Variants in SRP54 observed in about 807,000 individuals in gnomAD.
SRP54 encodes signal recognition particle 54.
A neutral mutation model predicts 64.8 loss-of-function variants in SRP54; 10 were observed. The observed-to-expected ratio is 0.15, with a 90% CI of 0.10 to 0.26. The LOEUF is 0.26. Ranked by LOEUF, SRP54 falls within the 10% of genes least tolerant of loss-of-function variation. SRP54 has a pLI of 1.00. For synonymous variants in SRP54, 193 were observed against 185.6 expected (o/e 1.04, Z -0.32); for missense variants, 325 against 613.7 (o/e 0.53, Z 4.97).
chr14:35,016,384 T>G (rs1034869881), intron 11 of SRP54, among the ~76,000 whole-genome samples: 1 of 152,224 alleles, frequency 6.6e-6, no homozygotes, highest in Non-Finnish European at 1.5e-5. Flanking sequence ...AGCATTGTTG[T>G]TCTTAGTATT....
intron 1 of SRP54, chr14:34,993,119 C>T (rs1247866295): frequency 6.6e-6 from 1 of 152,210 alleles, no homozygotes; most frequent in African/African-American, 2.4e-5. Context: ...CTTGGCCTCC[C>T]AGAGTGCTGG....
chr14:35,003,831 G>A (rs1198714780), intron 4 of SRP54, among the ~76,000 whole-genome samples: 1 of 151,940 alleles, frequency 6.6e-6, no homozygotes, highest in Admixed American at 6.6e-5. Context: ...TTACTCGGGA[G>A]GGTAAGGTGG....
At chr14:35,022,220 A>T (rs113003945) in intron 13 of SRP54, among the ~76,000 whole-genome samples, 2 of 152,114 alleles carry the variant, frequency 1.3e-5, no homozygotes, top group African/African-American at 2.4e-5. Flanking sequence ...GGGTAGACAT[A>T]TGAAGTATGG....
chr14:35,016,496 T>TA (rs1434345531), intron 11 of SRP54, among the ~76,000 whole-genome samples: 2 of 152,202 alleles, frequency 1.3e-5, no homozygotes, highest in Non-Finnish European at 2.9e-5. Context: ...TCTCTCTTCT[T>TA]ACCTCTGCCA....
chr14:34,988,580 T>TATATATATATATATATATATATATATA (rs1343386236), intron 1 of SRP54, among the ~76,000 whole-genome samples: 1 of 22,434 alleles, frequency 4.5e-5, no homozygotes, highest in African/African-American at 9.6e-5. Flanking sequence ...AAAAAAAAAA[T>TATATATATATATATATATATATATATA]ATATATATAT....
At chr14:34,992,611 G>A (rs906970683) in intron 1 of SRP54, among the ~76,000 whole-genome samples, 1 of 152,000 alleles carries the variant, frequency 6.6e-6, no homozygotes, top group Non-Finnish European at 1.5e-5. Flanking sequence ...ACATAAAGAC[G>A]AAAGTAGTAG....
rs2044357551 is a variant in SRP54, at chr14:35,011,492, TTGTCCA to T, written c.486-13_486-8del. On this transcript the variant is annotated splice_polypyrimidine_tract_variant and intron_variant, in intron 7 of 15. Transcript: ENST00000216774. ...AAGTTTTGTCGTTTTGTTAAATCAT[TTGTCCA>T]TGTTATATAGCTATACAGAAATGGA... 1.4e-6 allele frequency: 2 copies of T among 1,407,128 alleles called. No individual in the cohort carries two copies. Among genetic ancestry groups the T allele is most frequent in the African/African-American group, 2.9e-5 (2 of 69,142 alleles). 87.2% of individuals were successfully genotyped at this position (1,407,128 alleles called of 1,614,324 possible). A position where few individuals can be genotyped will look rare whatever the true frequency, so the allele number is the denominator to read the frequency against.
chr14:34,986,182 T>C (rs2043892707), intron 1 of SRP54, among the ~76,000 whole-genome samples: 1 of 152,328 alleles, frequency 6.6e-6, no homozygotes, highest in East Asian at 1.9e-4. Context: ...GGTGCTGTGA[T>C]ATTATTTTAC....
At position 35,028,110 on chromosome 14, in the gene SRP54, G is replaced by C. The variant is rs367667375; in HGVS notation, c.1350G>C (p.Val450=). The C allele has an allele frequency of 2.0e-5, 33 of 1,611,672 alleles. No individual in the cohort carries two copies. Among genetic ancestry groups the C allele is most frequent in the South Asian group, 1.7e-4 (15 of 90,814 alleles). Residue 450 remains valine, a synonymous_variant, in exon 15 of 16, where the codon GTG becomes GTC. Transcript: ENST00000216774. The stretch of plus-strand genomic sequence containing the variant: ...CAGGTGGCGACATGTCTAAGAATGT[G>C]AGCCAGTCACAGATGGCAAAATTGA... ...LFKGGDMSKN[V]SQSQMAKLNQ...
chr14:35,007,748 C>A (rs1357076840), intron 5 of SRP54, among the ~76,000 whole-genome samples: 1 of 144,134 alleles, frequency 6.9e-6, no homozygotes. Context: ...AATATATTTA[C>A]ATAAAATAGA....
Position 34,987,623 on chromosome 14 carries a change from T to C in SRP54, c.-34+4408T>C, listed in dbSNP as rs1409930136. 4.6e-5 allele frequency among the ~76,000 whole-genome samples: 7 copies of C among 152,182 alleles called. No homozygotes were observed. The East Asian group carries it at 1.3e-3, about 29-fold the overall frequency. On this transcript the variant is annotated intron_variant, in intron 1 of 15. Coordinates refer to ENST00000216774, the MANE Select transcript of SRP54 (RefSeq NM_003136.4). ...ATATGTTCAGTACTTCATTTCTTTT[T>C]ATTGCCTAGTGATATACCTTTGTAT...
chr14:34,990,329 G>A (rs1344501286), intron 1 of SRP54, among the ~76,000 whole-genome samples: 1 of 152,136 alleles, frequency 6.6e-6, no homozygotes, highest in Non-Finnish European at 1.5e-5. Flanking sequence ...ATTTGTCCTT[G>A]CAGTTTCCAG....
At chr14:35,026,289 A>G (rs1420110023) in intron 14 of SRP54, among the ~76,000 whole-genome samples, 1 of 151,728 alleles carries the variant, frequency 6.6e-6, no homozygotes, top group African/African-American at 2.4e-5. Context: ...GTGCAATGGC[A>G]TGATCATGGC....
In SRP54 at chr14:34,996,676, G is replaced by T; in HGVS notation, c.-33-1G>T. 6.8e-7 allele frequency: 1 copy of T among 1,468,342 alleles called. No individual in the cohort carries two copies. The highest frequency in any genetic ancestry group is 9.5e-7 in the Non-Finnish European group (1 of 1,047,308). 91.0% of individuals were successfully genotyped at this position (1,468,342 alleles called of 1,614,324 possible). A position where few individuals can be genotyped will look rare whatever the true frequency, so the allele number is the denominator to read the frequency against. On this transcript the variant is annotated splice_acceptor_variant, in intron 1 of 15. Transcript: ENST00000216774. LOFTEE classifies it low-confidence loss of function (5UTR_SPLICE). ...CTCACTTAATTTTTTTTCTGCTGTA[G>T]AGTTCTTCGTAAGTACATCTTAAAG...
intron 1 of SRP54, among the ~76,000 whole-genome samples, chr14:34,993,089 A>G (rs1203028591): frequency 6.6e-6 from 1 of 152,122 alleles, no homozygotes; most frequent in Non-Finnish European, 1.5e-5. Context: ...TGAACTCCCA[A>G]CCTCAAGCAA....
rs551882165 is a variant in SRP54, at chr14:35,017,890, G to A, written c.974-802G>A. Among the ~76,000 whole-genome samples the A allele has an allele frequency of 3.9e-5, 6 of 152,278 alleles. No individual in the cohort carries two copies. The East Asian group carries it at 5.8e-4, about 15-fold the overall frequency. ...AATCCTAGTGCTTTAGGAGGCCAAGGTGGGAGGATCATTTGAGGTCAGGAG... is the reference window on the plus strand; with the variant it reads ...AATCCTAGTGCTTTAGGAGGCCAAGATGGGAGGATCATTTGAGGTCAGGAG... On this transcript the variant is annotated intron_variant, in intron 11 of 15. Transcript: ENST00000216774.
chr14:35,028,116 G>C lies in SRP54; in HGVS notation c.1356G>C (p.Gln452His). ...GCGACATGTCTAAGAATGTGAGCCA[G>C]TCACAGATGGCAAAATTGAACCAAC... ...KGGDMSKNVS[Q>H]SQMAKLNQQM... Residue 452 changes from glutamine to histidine, a missense_variant, in exon 15 of 16, where the codon CAG becomes CAC. Coordinates refer to ENST00000216774, the MANE Select transcript of SRP54 (RefSeq NM_003136.4). The C allele has an allele frequency of 6.2e-7, 1 of 1,612,860 alleles. No homozygotes were observed. Among genetic ancestry groups the C allele is most frequent in the Non-Finnish European group, 8.5e-7 (1 of 1,179,418 alleles).
intron 2 of SRP54, 38 bp downstream of exon 2, chr14:34,996,825 A>G: frequency 2.2e-6 from 3 of 1,388,974 alleles, no homozygotes; most frequent in Non-Finnish European, 3.1e-6. Context: ...ATGATTGTAT[A>G]TTGTCACTAG....
intron 4 of SRP54, among the ~76,000 whole-genome samples, chr14:35,006,590 T>C (rs2044261814): frequency 1.0e-5 from 1 of 98,480 alleles, no homozygotes; most frequent in South Asian, 3.6e-4. Context: ...ATCACCTGTT[T>C]TTACTTTTTA....
Sources: gnomAD v4.1 joint callset for allele counts (sites outside exome capture counted in the v4.1 genomes callset) on GRCh38, gnomAD v4.1.1 for gene constraint, MANE v1.5 for transcripts, NCBI Gene and HGNC (gene_info 2026-07-23, HGNC 2026-07-21) for gene names.